The following SDHA variants were observed in gnomAD, a reference collection of about 807,000 sequenced individuals.
SDHA encodes succinate dehydrogenase complex flavoprotein subunit A, also known as succinate dehydrogenase [ubiquinone] flavoprotein subunit, mitochondrial.
SDHA carries 48 observed loss-of-function variants against 78.4 expected under a neutral mutation model. The observed-to-expected ratio is 0.61, with a 90% confidence interval of 0.49 to 0.78. The LOEUF (loss-of-function observed/expected upper bound fraction) is 0.78. Ranked by LOEUF, SDHA falls within the 30% of genes least tolerant of loss-of-function variation. SDHA has a pLI of 0.00. For missense variants in SDHA, 680 were observed against 892.7 expected (o/e 0.76, Z 3.04); for synonymous variants, 326 against 353.9 (o/e 0.92, Z 0.88).
chr5:223,499 A>C lies in SDHA; in HGVS notation c.81A>C (p.Gln27His), dbSNP rs759523671. 1.9e-6 allele frequency: 3 copies of C among 1,613,628 alleles called. No individual in the cohort carries two copies. In the Admixed American group the frequency reaches 5.0e-5, roughly 27 times the overall value. Reference sequence around the variant, plus strand: ...GTCTCCAGTGGCCAACAGTGTTGCAAACAGGAACCCGAGGTTTTCACTTCA... The same window carrying C: ...GTCTCCAGTGGCCAACAGTGTTGCACACAGGAACCCGAGGTTTTCACTTCA... The part of the protein sequence containing the change: ...ALAKAWPTVL[Q>H]TGTRGFHFTV... Residue 27 changes from glutamine (Q) to histidine (H), a missense_variant, in exon 2 of 15, where the codon CAA becomes CAC. Gln to His is a conservative substitution (Grantham distance 24). Coordinates refer to ENST00000264932, the MANE Select transcript of SDHA (RefSeq NM_004168.4).
intron 7 of SDHA, 146 bp downstream of exon 7, chr5:231,146 G>A (rs1735374189): frequency 2.1e-6 from 2 of 971,074 alleles, no homozygotes; most frequent in Admixed American, 4.0e-5. Flanking sequence ...TAACTTCAAC[G>A]TCATTTACCT....
the SDHA span, among the ~76,000 whole-genome samples, chr5:263,858 C>CA: frequency 6.6e-6 from 1 of 151,806 alleles, no homozygotes; most frequent in Non-Finnish European, 1.5e-5. Flanking sequence ...TAGACTGCCT[C>CA]AAAAAAAACT....
At chr5:233,858 A>G in intron 8 of SDHA, 1 of 540,722 alleles carries the variant, frequency 1.8e-6, no homozygotes, top group Non-Finnish European at 3.3e-6. Flanking sequence ...AATCTGTGGA[A>G]CAGAGTTTCT....
chr5:228,725 A>C (rs1213012886), intron 6 of SDHA, among the ~76,000 whole-genome samples: 1 of 152,242 alleles, frequency 6.6e-6, no homozygotes, highest in East Asian at 1.9e-4. Context: ...CCACATGATG[A>C]AAATAAGTAA....
the SDHA span, among the ~76,000 whole-genome samples, chr5:262,404 TCCGCCC>T: frequency 6.6e-6 from 1 of 151,894 alleles, no homozygotes. Context: ...CTGTGTGAGA[TCCGCCC>T]CCTGTCATAT....
chr5:240,501 G>C, intron 11 of SDHA, 25 bp downstream of exon 11: 1 of 1,451,808 alleles, frequency 6.9e-7, no homozygotes, highest in Non-Finnish European at 9.7e-7. Context: ...TCGCTCTGGA[G>C]TGAGCAGGAG....
chr5:240,926 A>G (rs1182219546), intron 11 of SDHA, among the ~76,000 whole-genome samples: 1 of 151,938 alleles, frequency 6.6e-6, no homozygotes, highest in African/African-American at 2.4e-5. Flanking sequence ...TCATCCGTTG[A>G]TGGGCACTTA....
At position 256,409 on chromosome 5, in the gene SDHA, C is replaced by T. The variant is rs1737195067; in HGVS notation, c.1984C>T (p.Arg662Cys). Reference protein sequence around the residue: ...ADCATVPPAIRSY With the variant: ...ADCATVPPAICSY ...CTGTGCCACCGTCCCGCCAGCCATTCGCTCCTACTGATGAGACAAGATGTG... is the reference window on the plus strand; with the variant it reads ...CTGTGCCACCGTCCCGCCAGCCATTTGCTCCTACTGATGAGACAAGATGTG... Residue 662 changes from arginine to cysteine, a missense_variant, in exon 15 of 15, where the codon CGC becomes TGC. Arg to Cys is a radical substitution (Grantham distance 180). Coordinates refer to ENST00000264932, the MANE Select transcript of SDHA (RefSeq NM_004168.4). 1 of 1,612,828 alleles carries T rather than the reference C, an allele frequency of 6.2e-7. No individual in the cohort carries two copies. The highest frequency in any genetic ancestry group is 8.5e-7 in the Non-Finnish European group (1 of 1,178,838).
chr5:262,286 GA>G, the SDHA span, among the ~76,000 whole-genome samples: 7 of 118,990 alleles, frequency 5.9e-5, no homozygotes, highest in East Asian at 6.7e-4. Context: ...TCCGCCTCCC[GA>G]CAGAGCATTA....
chr5:253,178 G>A (rs1412039786), intron 13 of SDHA: 1 of 152,232 alleles, frequency 6.6e-6, no homozygotes, highest in Middle Eastern at 3.2e-3. Flanking sequence ...AAAGGACAAA[G>A]GCTCCACAAG....
chr5:242,148 G>C (rs13354585), intron 11 of SDHA, among the ~76,000 whole-genome samples: 36,602 of 152,048 alleles, frequency 0.24, 6,842 homozygotes, highest in African/African-American at 0.52. Flanking sequence ...TTTCTGCTGA[G>C]TCTGGCTATT....
At chr5:266,360 G>C in the SDHA span, among the ~76,000 whole-genome samples, 1 of 152,202 alleles carries the variant, frequency 6.6e-6, no homozygotes, top group Non-Finnish European at 1.5e-5. Flanking sequence ...GGCTGATTTA[G>C]TTTCCAAGAA....
At chr5:261,242 C>T (rs201852012), downstream of SDHA, among the ~76,000 whole-genome samples, 14 of 7,674 alleles carry the variant, frequency 1.8e-3, no homozygotes, top group Non-Finnish European at 2.3e-3. Context: ...ACAGCATTAC[C>T]GTGTGAGCTC....
At chr5:227,892 TG>T in intron 5 of SDHA, 2 of 410,122 alleles carry the variant, frequency 4.9e-6, no homozygotes, top group Non-Finnish European at 9.2e-6. Flanking sequence ...TGGAGCTGCA[TG>T]CGGCCACCGG....
intron 10 of SDHA, among the ~76,000 whole-genome samples, chr5:239,800 C>T (rs148575612): frequency 0.015 from 2,289 of 149,570 alleles, 57 homozygotes; most frequent in African/African-American, 0.053. Flanking sequence ...GACAGGGTCT[C>T]GCTCTGTTGC....
intron 8 of SDHA, chr5:234,199 CAGG>C: frequency 6.1e-6 from 1 of 164,554 alleles, no homozygotes; most frequent in East Asian, 1.7e-4. Context: ...GCGGGCAGAT[CAGG>C]AGGTCAGGAG....
At position 233,574 on chromosome 5, in the gene SDHA, C is replaced by T. The variant is rs1424925197; in HGVS notation, c.993C>T (p.Ala331=). 2 of 1,614,166 alleles carry T rather than the reference C, an allele frequency of 1.2e-6. No homozygotes were observed. The highest frequency in any genetic ancestry group is 1.7e-6 in the Non-Finnish European group (2 of 1,180,030). ...GCGAAAGGTTTATGGAGCGATACGC[C>T]CCTGTCGCGAAGGACCTGGCGTCTA... The part of the protein sequence containing the change: ...SQGERFMERY[A]PVAKDLASRD... The change falls in exon 8 of 15, where the codon GCC becomes GCT. Residue 331 remains alanine, a synonymous_variant. Transcript: ENST00000264932.
At chr5:246,935 G>A (rs1736503312) in intron 11 of SDHA, among the ~76,000 whole-genome samples, 1 of 151,614 alleles carries the variant, frequency 6.6e-6, no homozygotes. Flanking sequence ...AGTCTTACTT[G>A]GCAAACCCAT....
At chr5:224,746 A>T (rs1364645136) in intron 3 of SDHA, 1 of 579,722 alleles carries the variant, frequency 1.7e-6, no homozygotes, top group Non-Finnish European at 3.1e-6. Flanking sequence ...CTCCAGTCAC[A>T]CTTGGGTTTT....
Sources: allele counts gnomAD v4.1 joint callset (sites outside exome capture counted in the v4.1 genomes callset), GRCh38; gene constraint gnomAD v4.1.1; transcripts MANE v1.5; gene names NCBI Gene and HGNC (gene_info 2026-07-23, HGNC 2026-07-21).